Variants in SUN1 observed in about 807,000 individuals in gnomAD.
SUN1 encodes SUN domain-containing protein 1.
A neutral mutation model predicts 103.2 loss-of-function variants in SUN1; 61 were observed. That is an observed-to-expected ratio of 0.59 (90% CI 0.48 to 0.73). SUN1 has a LOEUF of 0.73. Among genes scored for constraint, SUN1 ranks in the 30% least tolerant of loss-of-function variants. SUN1 has a pLI of 0.00. For missense variants in SUN1, 1,052 were observed against 1,034.6 expected (o/e 1.02, Z -0.23); for synonymous variants, 490 against 425.7 (o/e 1.15, Z -1.86).
intron 6 of SUN1, 174 bp downstream of exon 6, chr7:851,656 C>G (rs1742242132): frequency 2.9e-6 from 2 of 687,356 alleles, no homozygotes; most frequent in African/African-American, 3.6e-5. Flanking sequence ...GTACTTGCTG[C>G]ATGAGCGCCC....
chr7:842,083 T>A lies in SUN1; in HGVS notation c.404T>A (p.Leu135Ter). The change falls in exon 3 of 19, where the codon TTG (leucine) becomes TAG (stop). Residue 135 changes from leucine to a stop codon, truncating the protein, a stop_gained. Coordinates refer to ENST00000401592, the MANE Select transcript of SUN1 (RefSeq NM_001130965.3). LOFTEE classifies it high-confidence loss of function. Reference sequence around the variant, plus strand: ...GCTGTGACTCGACGGCCTCCTGTATTGGACGAGTCTTGGATTCGTGAACAG... The same window carrying A: ...GCTGTGACTCGACGGCCTCCTGTATAGGACGAGTCTTGGATTCGTGAACAG... ...QDAVTRRPPVLDESWIREQTT... is the reference protein window; with the variant it reads ...QDAVTRRPPV The A allele has an allele frequency of 1.2e-6, 2 of 1,614,224 alleles. No individual in the cohort carries two copies. Among genetic ancestry groups the A allele is most frequent in the Non-Finnish European group, 1.7e-6 (2 of 1,180,044 alleles).
At chr7:865,897 T>C in intron 15 of SUN1, 55 bp from the exon 16 acceptor site, 1 of 1,453,618 alleles carries the variant, frequency 6.9e-7, no homozygotes, top group Non-Finnish European at 9.7e-7. Context: ...TGCAGTACTA[T>C]TGCTTCCAAA....
chr7:873,931 C>T lies in SUN1; in HGVS notation c.*600C>T, dbSNP rs1289271581. 2.6e-5 allele frequency: 4 copies of T among 152,540 alleles called. No homozygotes were observed. The highest frequency in any genetic ancestry group is 9.7e-5 in the African/African-American group (4 of 41,450). The allele number at this position is 152,540 out of a possible 1,614,324, so 9.4% of individuals were successfully genotyped here. A position where few individuals can be genotyped will look rare whatever the true frequency, so the allele number is the denominator to read the frequency against. ...CTGAGGAAGGTTTCCAGTCAGGACT[C>T]GCTGTACCAATATCCATGGAGGAAT... On this transcript the variant is annotated 3_prime_UTR_variant, in exon 19 of 19. Transcript: ENST00000401592.
intron 1 of SUN1, among the ~76,000 whole-genome samples, chr7:819,582 A>T (rs1437823655): frequency 6.6e-6 from 1 of 152,116 alleles, no homozygotes; most frequent in African/African-American, 2.4e-5. Context: ...ATCATTTGTG[A>T]CAAGACTGCT....
intron 9 of SUN1, 115 bp downstream of exon 9, chr7:853,067 T>C: frequency 7.3e-7 from 1 of 1,376,078 alleles, no homozygotes; most frequent in Non-Finnish European, 9.6e-7. Flanking sequence ...AGAAGTATTT[T>C]TAAATGTCAG....
upstream of SUN1, among the ~76,000 whole-genome samples, chr7:815,691 C>G (rs1196794492): frequency 1.3e-5 from 2 of 152,266 alleles, no homozygotes; most frequent in Admixed American, 1.3e-4. Context: ...GTCCCCAGCA[C>G]GGAGAAGAGA....
intron 1 of SUN1, among the ~76,000 whole-genome samples, chr7:819,670 C>T (rs1469700268): frequency 1.4e-5 from 2 of 147,098 alleles, no homozygotes; most frequent in African/African-American, 2.5e-5. Context: ...GGACCCAGTT[C>T]TGTTCTGCAG....
chr7:826,646 T>C (rs562655620), intron 1 of SUN1, among the ~76,000 whole-genome samples: 1 of 152,254 alleles, frequency 6.6e-6, no homozygotes, highest in East Asian at 1.9e-4. Context: ...TTTCAGGAGG[T>C]AGGCTGCCAT....
intron 10 of SUN1, among the ~76,000 whole-genome samples, chr7:854,341 G>A (rs1213549497): frequency 3.3e-5 from 5 of 152,260 alleles, no homozygotes; most frequent in South Asian, 2.1e-4. Context: ...TCTAGCTCAC[G>A]TTTGCGTCTG....
Position 843,332 on chromosome 7 carries a change from A to C in SUN1, c.479-9A>C. On this transcript the variant is annotated splice_polypyrimidine_tract_variant and intron_variant, in intron 4 of 18. Coordinates refer to ENST00000401592, the MANE Select transcript of SUN1 (RefSeq NM_001130965.3). ...TAAACAGGTTCCATCTACTGTTTGA[A>C]AACTTTAGGTGGAAATAAAGCTGCC... is the stretch of plus-strand genomic sequence containing the variant. The C allele has an allele frequency of 6.2e-7, 1 of 1,603,668 alleles. No individual in the cohort carries two copies. Among genetic ancestry groups the C allele is most frequent in the Non-Finnish European group, 8.5e-7 (1 of 1,175,926 alleles).
At chr7:849,895 C>T in intron 5 of SUN1, 2 of 1,578,158 alleles carry the variant, frequency 1.3e-6, no homozygotes, top group Non-Finnish European at 1.7e-6. Flanking sequence ...GAATCCGCCA[C>T]ACTCACTGCC....
At chr7:831,918 A>G, upstream of SUN1, 1 of 447,944 alleles carries the variant, frequency 2.2e-6, no homozygotes, top group Non-Finnish European at 2.9e-6. Flanking sequence ...ACAACCTGAG[A>G]AACAATATAC....
chr7:826,645 G>T (rs1299655877), intron 1 of SUN1, among the ~76,000 whole-genome samples: 1 of 152,182 alleles, frequency 6.6e-6, no homozygotes, highest in Non-Finnish European at 1.5e-5. Context: ...GTTTCAGGAG[G>T]TAGGCTGCCA....
chr7:859,242 C>T (rs1358050873), intron 13 of SUN1, among the ~76,000 whole-genome samples: 1 of 152,004 alleles, frequency 6.6e-6, no homozygotes, highest in East Asian at 1.9e-4. Context: ...TTACAGCAGG[C>T]TCTCATCTTT....
intron 1 of SUN1, among the ~76,000 whole-genome samples, chr7:837,757 C>T (rs908098521): frequency 1.3e-5 from 2 of 152,232 alleles, no homozygotes; most frequent in Non-Finnish European, 1.5e-5. Flanking sequence ...CCTGTCTCCA[C>T]TGGACACTGG....
intron 6 of SUN1, 133 bp from the exon 7 acceptor site, chr7:851,817 A>G (rs1397629167): frequency 1.9e-5 from 16 of 861,358 alleles, no homozygotes; most frequent in African/African-American, 3.4e-5. Flanking sequence ...CGTGGCGACT[A>G]GCATCACCGA....
upstream of SUN1, chr7:830,942 C>T (rs767507680): frequency 2.6e-4 from 252 of 985,298 alleles, no homozygotes; most frequent in Non-Finnish European, 2.8e-4. Context: ...AGCAGGCCTG[C>T]GCACCTCAGG....
At chr7:833,956 C>T (rs1218537981) in intron 1 of SUN1, among the ~76,000 whole-genome samples, 1 of 152,230 alleles carries the variant, frequency 6.6e-6, no homozygotes, top group African/African-American at 2.4e-5. Context: ...GGGAGAGCAA[C>T]ACTTAATTTC....
At chr7:824,253 G>C (rs113947480) in intron 1 of SUN1, among the ~76,000 whole-genome samples, 215 of 152,350 alleles carry the variant, frequency 1.4e-3, no homozygotes, top group Non-Finnish European at 2.5e-3. Context: ...TCACGTCACT[G>C]ATAATTAAGG....
Sources: gnomAD v4.1 joint callset for allele counts (sites outside exome capture counted in the v4.1 genomes callset) on GRCh38, gnomAD v4.1.1 for gene constraint, MANE v1.5 for transcripts, NCBI Gene and HGNC (gene_info 2026-07-23, HGNC 2026-07-21) for gene names.